Variants in GLP2R observed in about 807,000 individuals in gnomAD.
GLP2R encodes the protein glucagon-like peptide 2 receptor.
GLP2R carries 59 observed loss-of-function variants against 68.2 expected under a neutral mutation model. That is an observed-to-expected ratio of 0.87 (90% CI 0.70 to 1.07). The LOEUF is 1.07. Among genes scored for constraint, GLP2R ranks in the 50% least tolerant of loss-of-function variants. The pLI, the probability that GLP2R is intolerant of heterozygous loss-of-function variation, is 0.00. For synonymous variants in GLP2R, 270 were observed against 265.4 expected, an observed-to-expected ratio of 1.02 and a Z score of -0.17; for missense variants, 548 against 677.4, an observed-to-expected ratio of 0.81 and a Z score of 2.12.
chr17:9,835,975 G>T (rs549011375), intron 2 of GLP2R, among the ~76,000 whole-genome samples: 2 of 150,304 alleles, frequency 1.3e-5, no homozygotes, highest in Admixed American at 1.3e-4. Context: ...GGACGTGGAG[G>T]TTGCAGTGAG....
In GLP2R at chr17:9,861,270, A is replaced by G. The variant is rs184606895; in HGVS notation, c.986+71A>G. ...CAGGCATGCCTAAATACAAAGAATG[A>G]CATCATTTTACCGTAGAAAATATCT... On this transcript the variant is annotated intron_variant, in intron 8 of 12. Transcript: ENST00000262441. The G allele has an allele frequency of 7.8e-5, 78 of 994,984 alleles. No homozygotes were observed. In the African/African-American group the frequency reaches 1.2e-3, roughly 15 times the overall value. 61.6% of individuals were successfully genotyped at this position (994,984 alleles called of 1,614,324 possible). A position where few individuals can be genotyped will look rare whatever the true frequency, so the allele number is the denominator to read the frequency against.
At chr17:9,831,093 C>A (rs776043331) in intron 1 of GLP2R, among the ~76,000 whole-genome samples, 72 of 152,174 alleles carry the variant, frequency 4.7e-4, no homozygotes, top group Non-Finnish European at 8.8e-4. Flanking sequence ...TTCAAAAAGT[C>A]GGCTGTGTGA....
chr17:9,882,167 T>G (rs2067203040), intron 11 of GLP2R, among the ~76,000 whole-genome samples: 1 of 152,060 alleles, frequency 6.6e-6, no homozygotes, highest in African/African-American at 2.4e-5. Context: ...GCTCCACCAG[T>G]GAGGAAATTC....
At chr17:9,850,608 C>G (rs1013768622) in intron 4 of GLP2R, among the ~76,000 whole-genome samples, 1 of 152,144 alleles carries the variant, frequency 6.6e-6, no homozygotes, top group East Asian at 1.9e-4. Context: ...GGATTAAGCT[C>G]CAGCTTCCCA....
At chr17:9,868,882 C>T (rs971746735) in intron 9 of GLP2R, among the ~76,000 whole-genome samples, 1 of 152,122 alleles carries the variant, frequency 6.6e-6, no homozygotes, top group African/African-American at 2.4e-5. Flanking sequence ...AGAAAAATGC[C>T]TATGTTCAAT....
At chr17:9,843,565 G>C (rs2066808403) in intron 4 of GLP2R, among the ~76,000 whole-genome samples, 1 of 152,196 alleles carries the variant, frequency 6.6e-6, no homozygotes, top group Non-Finnish European at 1.5e-5. Flanking sequence ...TCCCAGGAAA[G>C]GTTTTTTGGA....
chr17:9,873,432 C>A (rs9903693), intron 10 of GLP2R, among the ~76,000 whole-genome samples: 2,704 of 152,250 alleles, frequency 0.018, 85 homozygotes, highest in African/African-American at 0.06. Context: ...TGAGCCCTAC[C>A]ACTGGGTATT....
At chr17:9,874,022 A>G (rs1271781402) in intron 10 of GLP2R, among the ~76,000 whole-genome samples, 1 of 152,216 alleles carries the variant, frequency 6.6e-6, no homozygotes, top group African/African-American at 2.4e-5. Flanking sequence ...ATGTATATGC[A>G]TGGTATCATG....
intron 2 of GLP2R, 71 bp from the exon 3 acceptor site, chr17:9,836,300 G>T: frequency 9.8e-7 from 1 of 1,023,924 alleles, no homozygotes; most frequent in Admixed American, 1.7e-5. Flanking sequence ...CTCCCACGGT[G>T]CCTCTGCCTC....
At chr17:9,884,457 G>A (rs2067224030) in intron 11 of GLP2R, among the ~76,000 whole-genome samples, 1 of 152,192 alleles carries the variant, frequency 6.6e-6, no homozygotes, top group Admixed American at 6.5e-5. Context: ...TAACCACTAT[G>A]CCATAGTGCC....
intron 9 of GLP2R, chr17:9,867,003 A>G (rs957259440): frequency 1.9e-4 from 29 of 152,242 alleles, no homozygotes; most frequent in African/African-American, 6.8e-4. Flanking sequence ...GAAAAAAATA[A>G]TAATTCTTTG....
intron 11 of GLP2R, among the ~76,000 whole-genome samples, chr17:9,881,185 A>C (rs2067190979): frequency 6.6e-6 from 1 of 152,098 alleles, no homozygotes; most frequent in African/African-American, 2.4e-5. Context: ...TGTCTTCTTC[A>C]CTCACATGAC....
At chr17:9,882,628 A>G (rs912273983) in intron 11 of GLP2R, among the ~76,000 whole-genome samples, 12 of 152,246 alleles carry the variant, frequency 7.9e-5, no homozygotes, top group Non-Finnish European at 1.6e-4. Context: ...CCCAAGTGAC[A>G]TATGGATCCA....
In GLP2R at chr17:9,836,454, T is replaced by C. The variant is rs1459375359; in HGVS notation, c.361T>C (p.Tyr121His). ...PGNVSVPCPS[Y>H]LPWWSEESSG... ...AAATGTCTCTGTACCCTGCCCTTCA[T>C]ACTTACCTTGGTGGAGTGAAGGTAA... Residue 121 changes from tyrosine (Y) to histidine (H), a missense_variant, in exon 3 of 13, where the codon TAC (tyrosine) becomes CAC (histidine). Physicochemically the swap from Tyr to His is moderately conservative, Grantham distance 83 (BLOSUM62 2). Coordinates refer to ENST00000262441, the MANE Select transcript of GLP2R (RefSeq NM_004246.3). The C allele has an allele frequency of 6.2e-7, 1 of 1,604,732 alleles. No individual in the cohort carries two copies. The highest frequency in any genetic ancestry group is 1.7e-5 in the Admixed American group (1 of 60,018).
At chr17:9,861,090 G>A (rs757179458) in intron 7 of GLP2R, 49 bp from the exon 8 acceptor site, 8 of 1,416,234 alleles carry the variant, frequency 5.6e-6, no homozygotes, top group Non-Finnish European at 8.0e-6. Flanking sequence ...GAGGCAAGCA[G>A]GTTTGGCCAA....
At chr17:9,845,538 C>A (rs1385403684) in intron 4 of GLP2R, among the ~76,000 whole-genome samples, 1 of 152,138 alleles carries the variant, frequency 6.6e-6, no homozygotes, top group East Asian at 1.9e-4. Flanking sequence ...CCTCCTGGCA[C>A]ACAATAGGCA....
chr17:9,866,021 T>A, intron 9 of GLP2R: 1 of 426,264 alleles, frequency 2.3e-6, no homozygotes, highest in Non-Finnish European at 4.8e-6. Flanking sequence ...CCTGCTGCCC[T>A]CCCAATCTGC....
At chr17:9,852,908 T>G (rs2066904699) in intron 4 of GLP2R, 1 of 475,586 alleles carries the variant, frequency 2.1e-6, no homozygotes, top group Non-Finnish European at 4.0e-6. Flanking sequence ...TTTCCAGATA[T>G]ACTTAAGAGT....
At chr17:9,860,564 C>T (rs763144907) in intron 7 of GLP2R, among the ~76,000 whole-genome samples, 1 of 152,100 alleles carries the variant, frequency 6.6e-6, no homozygotes, top group Non-Finnish European at 1.5e-5. Context: ...AAAGCAAGCT[C>T]TCTCGTCTCT....
Sources: allele counts gnomAD v4.1 joint callset (sites outside exome capture counted in the v4.1 genomes callset), GRCh38; gene constraint gnomAD v4.1.1; transcripts MANE v1.5; gene names NCBI Gene and HGNC (gene_info 2026-07-23, HGNC 2026-07-21).